HECW1: variants seen among roughly 807,000 people sequenced by gnomAD.
The protein encoded by HECW1 is HECT, C2 and WW domain containing E3 ubiquitin protein ligase 1, also known as E3 ubiquitin-protein ligase HECW1.
A neutral mutation model predicts 182.3 loss-of-function variants in HECW1; 61 were observed. The ratio of observed to expected loss-of-function variants is 0.33; its 90% CI spans 0.27 to 0.41. HECW1 has a LOEUF of 0.41. Ranked by LOEUF, HECW1 falls within the 10% of genes least tolerant of loss-of-function variation. The pLI, the probability that HECW1 is intolerant of heterozygous loss-of-function variation, is 1.00. For missense variants in HECW1, 1,739 were observed against 2,108.9 expected (o/e 0.82, Z 3.44); for synonymous variants, 859 against 832.6 (o/e 1.03, Z -0.55).
At chr7:43,266,561 C>T (rs925739592) in intron 3 of HECW1, among the ~76,000 whole-genome samples, 9 of 152,164 alleles carry the variant, frequency 5.9e-5, no homozygotes, top group Admixed American at 5.2e-4. Flanking sequence ...GTCTTGAACT[C>T]CCGACCTCAT....
chr7:43,404,989 C>CA (rs2075557797), intron 7 of HECW1, among the ~76,000 whole-genome samples: 2 of 151,762 alleles, frequency 1.3e-5, no homozygotes, highest in African/African-American at 2.4e-5. Flanking sequence ...AAAAATCAAA[C>CA]AAAAAAACAA....
At chr7:43,346,748 C>A (rs1813734452) in intron 5 of HECW1, among the ~76,000 whole-genome samples, 1 of 152,040 alleles carries the variant, frequency 6.6e-6, no homozygotes, top group African/African-American at 2.4e-5. Context: ...TTGAAAAGGG[C>A]ATCCTTTCCC....
chr7:43,477,006 C>A (rs1313016196), intron 16 of HECW1, among the ~76,000 whole-genome samples: 4 of 152,112 alleles, frequency 2.6e-5, no homozygotes, highest in Non-Finnish European at 5.9e-5. Context: ...AAAACTTTAA[C>A]ATCCCGACAA....
intron 3 of HECW1, among the ~76,000 whole-genome samples, chr7:43,308,448 C>T (rs1331730657): frequency 1.4e-5 from 2 of 147,184 alleles, no homozygotes; most frequent in African/African-American, 5.0e-5. Context: ...AATTATACCT[C>T]AATAAAGCTG....
At chr7:43,193,629 G>A (rs1221564350) in intron 2 of HECW1, among the ~76,000 whole-genome samples, 5 of 151,976 alleles carry the variant, frequency 3.3e-5, no homozygotes, top group African/African-American at 7.2e-5. Flanking sequence ...TGATCCACCC[G>A]ACTCAGCCTC....
intron 3 of HECW1, among the ~76,000 whole-genome samples, chr7:43,248,387 C>T (rs1322480938): frequency 1.3e-5 from 2 of 152,298 alleles, no homozygotes; most frequent in South Asian, 2.1e-4. Context: ...AGGTTCCCTA[C>T]ACCATACCCC....
chr7:43,519,214 A>G (rs1374317913), intron 24 of HECW1, among the ~76,000 whole-genome samples: 3 of 152,108 alleles, frequency 2.0e-5, no homozygotes, highest in African/African-American at 4.8e-5. Context: ...TGACAGAGGT[A>G]GGGAGCAATC....
At chr7:43,229,507 A>T (rs925889191) in intron 2 of HECW1, among the ~76,000 whole-genome samples, 5 of 152,142 alleles carry the variant, frequency 3.3e-5, no homozygotes, top group Non-Finnish European at 5.9e-5. Context: ...AGGGGAGCAG[A>T]AAAGATAACT....
chr7:43,444,154 G>T lies in HECW1; in HGVS notation c.1046-64G>T. The stretch of plus-strand genomic sequence containing the variant: ...TTAGTGATGGCTTACATGTCCCACA[G>T]GGTATCCTAACACCACAATGCTCTC... On this transcript the variant is annotated intron_variant, in intron 10 of 29. Transcript: ENST00000395891. This position sits in a 1 kb window ranked among gnomAD's most constrained non-coding sequence, Gnocchi z 4.3. The T allele has an allele frequency of 6.7e-7, 1 of 1,484,670 alleles. No homozygotes were observed. 92.0% of individuals were successfully genotyped at this position (1,484,670 alleles called of 1,614,324 possible). A position where few individuals can be genotyped will look rare whatever the true frequency, so the allele number is the denominator to read the frequency against.
rs147593831 is a variant in HECW1, at chr7:43,475,980, T to A, written c.3100-3630T>A. Among the ~76,000 whole-genome samples, 34 of 152,302 alleles carry A rather than the reference T, an allele frequency of 2.2e-4. 1 individual carries two copies. In the East Asian group the frequency reaches 5.4e-3, roughly 24 times the overall value. Reference sequence around the variant, plus strand: ...ACAATCGGGTCTAGTAGTTTTCCCTTAAAAATCAAGAATAAGAAAAGATTT... The same window carrying A: ...ACAATCGGGTCTAGTAGTTTTCCCTAAAAAATCAAGAATAAGAAAAGATTT... On this transcript the variant is annotated intron_variant, in intron 16 of 29. Coordinates refer to ENST00000395891, the MANE Select transcript of HECW1 (RefSeq NM_015052.5).
intron 5 of HECW1, among the ~76,000 whole-genome samples, chr7:43,341,400 C>T (rs1344507153): frequency 2.6e-5 from 4 of 151,638 alleles, no homozygotes; most frequent in African/African-American, 9.7e-5. Flanking sequence ...TTTTGCTATG[C>T]TATCGTATTT....
chr7:43,166,574 A>G (rs6945704), intron 2 of HECW1, among the ~76,000 whole-genome samples: 54,965 of 152,098 alleles, frequency 0.36, 11,218 homozygotes, highest in Non-Finnish European at 0.46. Flanking sequence ...GTCACATTAC[A>G]AGTAAAAGCT....
intron 11 of HECW1, among the ~76,000 whole-genome samples, chr7:43,447,913 G>A (rs1309893660): frequency 6.6e-6 from 1 of 152,054 alleles, no homozygotes; most frequent in East Asian, 1.9e-4. Flanking sequence ...ATTGCCTGAG[G>A]TCAGGAGTTC....
intron 24 of HECW1, among the ~76,000 whole-genome samples, chr7:43,529,035 C>T (rs2080875157): frequency 6.6e-6 from 1 of 152,040 alleles, no homozygotes; most frequent in African/African-American, 2.4e-5. Context: ...TAGACCAAAC[C>T]TACCTAACCC....
intron 29 of HECW1, among the ~76,000 whole-genome samples, chr7:43,559,889 C>T (rs12702051): frequency 0.3 from 45,712 of 152,048 alleles, 7,099 homozygotes; most frequent in East Asian, 0.41. Context: ...GCAATAAAAG[C>T]AACTAGTAAG....
Position 43,480,684 on chromosome 7 carries a change from C to CAT in HECW1, c.3234+952_3234+953dup, listed in dbSNP as rs33937309. ...ATATATATACACACACATATATACG[C>CAT]ATATATATATATACACACACACACA... On this transcript the variant is annotated intron_variant, in intron 17 of 29. Coordinates refer to ENST00000395891, the MANE Select transcript of HECW1 (RefSeq NM_015052.5). Among the ~76,000 whole-genome samples the CAT allele has an allele frequency of 5.6e-3, 819 of 146,698 alleles. 6 individuals are homozygous for CAT. The highest frequency in any genetic ancestry group is 0.01 in the Middle Eastern group (3 of 292).
intron 3 of HECW1, among the ~76,000 whole-genome samples, chr7:43,283,093 C>T (rs1222383742): frequency 6.6e-6 from 1 of 151,438 alleles, no homozygotes; most frequent in African/African-American, 2.4e-5. Context: ...TCACTGCACT[C>T]CAACCTGGGT....
At chr7:43,460,976 C>T (rs975907639) in intron 13 of HECW1, among the ~76,000 whole-genome samples, 1 of 152,226 alleles carries the variant, frequency 6.6e-6, no homozygotes, top group African/African-American at 2.4e-5. Context: ...ATCATATTTA[C>T]TCATAATGCT....
At chr7:43,372,779 T>A (rs1306076200) in intron 6 of HECW1, among the ~76,000 whole-genome samples, 1 of 152,106 alleles carries the variant, frequency 6.6e-6, no homozygotes, top group Admixed American at 6.5e-5. Flanking sequence ...CTCAAACTTG[T>A]AGTGTCACAA....
Sources: gnomAD v4.1 joint callset for allele counts (sites outside exome capture counted in the v4.1 genomes callset) on GRCh38, gnomAD v4.1.1 for gene constraint, Gnocchi (gnomAD v3.1) non-coding constraint, MANE v1.5 for transcripts, NCBI Gene and HGNC (gene_info 2026-07-23, HGNC 2026-07-21) for gene names.